Variants in KCTD16 observed in about 807,000 individuals in gnomAD.
KCTD16 encodes potassium channel tetramerization domain containing 16.
A neutral mutation model predicts 33.2 loss-of-function variants in KCTD16; 13 were observed. The ratio of observed to expected loss-of-function variants is 0.39; its 90% confidence interval spans 0.25 to 0.62. The LOEUF (loss-of-function observed/expected upper bound fraction) is 0.62. KCTD16 is among the 20% of genes least tolerant of loss of function. The pLI is 0.50. For missense variants in KCTD16, 441 were observed against 525.1 expected (o/e 0.84, Z 1.57); for synonymous variants, 197 against 195.3 (o/e 1.01, Z -0.07).
chr5:144,292,909 A>G (rs1473918480), intron 3 of KCTD16, among the ~76,000 whole-genome samples: 1 of 152,172 alleles, frequency 6.6e-6, no homozygotes, highest in Non-Finnish European at 1.5e-5. Flanking sequence ...CTGCCCAGGA[A>G]GGGCCAAAGT....
chr5:144,357,465 T>C (rs949032024), intron 3 of KCTD16, among the ~76,000 whole-genome samples: 1 of 152,016 alleles, frequency 6.6e-6, no homozygotes, highest in African/African-American at 2.4e-5. Flanking sequence ...TGGGATGAAT[T>C]GTAACAGGGA....
chr5:144,299,119 TATATATATATATATATATATATATATA>T lies in KCTD16; in HGVS notation c.832+91574_832+91600del, dbSNP rs1251769601. On this transcript the variant is annotated intron_variant, in intron 3 of 3. Coordinates refer to ENST00000512467, the MANE Select transcript of KCTD16 (RefSeq NM_020768.4). Reference sequence around the variant, plus strand: ...ATGTATATATATATATATATATATATATATATATATATATATATATATATATATATTTTTTTTTTTTTTTTTAACCTG... The same window carrying T: ...ATGTATATATATATATATATATATATTATTTTTTTTTTTTTTTTTAACCTG... Among the ~76,000 whole-genome samples, 67 of 19,728 alleles carry T rather than the reference TATATATATATATATATATATATATATA, an allele frequency of 3.4e-3. 2 individuals carry two copies. Among genetic ancestry groups the T allele is most frequent in the African/African-American group, 0.029 (65 of 2,266 alleles). 12.9% of individuals were successfully genotyped at this position (19,728 alleles called of 152,430 possible). A position where few individuals can be genotyped will look rare whatever the true frequency, so the allele number is the denominator to read the frequency against.
chr5:144,226,567 A>G (rs767704474), intron 3 of KCTD16, among the ~76,000 whole-genome samples: 15 of 149,472 alleles, frequency 1.0e-4, no homozygotes, highest in Admixed American at 2.6e-4. Flanking sequence ...GACTTTGAGA[A>G]AAAAAAATAT....
At chr5:144,451,123 A>G (rs1753931710) in intron 3 of KCTD16, among the ~76,000 whole-genome samples, 1 of 152,050 alleles carries the variant, frequency 6.6e-6, no homozygotes, top group African/African-American at 2.4e-5. Context: ...TATTCCATTG[A>G]GGAATTTTTA....
At chr5:144,462,255 C>G (rs1754213304) in intron 3 of KCTD16, among the ~76,000 whole-genome samples, 1 of 152,146 alleles carries the variant, frequency 6.6e-6, no homozygotes. Flanking sequence ...CGCCGTCACT[C>G]TCCTCACTTC....
intron 3 of KCTD16, among the ~76,000 whole-genome samples, chr5:144,467,087 ATATATAT>A (rs1754362304): frequency 7.5e-6 from 1 of 133,072 alleles, no homozygotes; most frequent in Non-Finnish European, 1.6e-5. Flanking sequence ...ATATAGTGTT[ATATATAT>A]TATATATAAT....
chr5:144,380,550 AG>A (rs1248502547), intron 3 of KCTD16, among the ~76,000 whole-genome samples: 1 of 152,242 alleles, frequency 6.6e-6, no homozygotes, highest in South Asian at 2.1e-4. Context: ...CTAAGTAAAA[AG>A]AACAAAGCCA....
At chr5:144,439,580 G>C (rs1753654097) in intron 3 of KCTD16, 1 of 188,208 alleles carries the variant, frequency 5.3e-6, no homozygotes. Flanking sequence ...TTCTCACTTT[G>C]ATATTTAAAA....
At chr5:144,453,389 C>T (rs1409779874) in intron 3 of KCTD16, among the ~76,000 whole-genome samples, 1 of 152,074 alleles carries the variant, frequency 6.6e-6, no homozygotes, top group Admixed American at 6.5e-5. Context: ...CGAAGAGAAG[C>T]GATTTCAGCC....
At chr5:144,443,744 C>T (rs1188803892) in intron 3 of KCTD16, among the ~76,000 whole-genome samples, 1 of 152,018 alleles carries the variant, frequency 6.6e-6, no homozygotes, top group Non-Finnish European at 1.5e-5. Context: ...TTGTTCTATC[C>T]TTGGCTAGTG....
At chr5:144,450,534 A>G in intron 3 of KCTD16, among the ~76,000 whole-genome samples, 1 of 152,048 alleles carries the variant, frequency 6.6e-6, no homozygotes, top group East Asian at 1.9e-4. Flanking sequence ...TATTCAAGAT[A>G]TGGAAAAAAC....
At chr5:144,387,916 T>A (rs999620554) in intron 3 of KCTD16, among the ~76,000 whole-genome samples, 1 of 152,088 alleles carries the variant, frequency 6.6e-6, no homozygotes, top group African/African-American at 2.4e-5. Flanking sequence ...GTTTAGTAAT[T>A]TGCCTAAGGA....
At chr5:144,432,657 A>G (rs564523890) in intron 3 of KCTD16, among the ~76,000 whole-genome samples, 8,171 of 151,514 alleles carry the variant, frequency 0.054, 749 homozygotes, top group African/African-American at 0.19. Flanking sequence ...GTGTGTGTGT[A>G]TATATCAGGG....
At chr5:144,331,581 T>G (rs1051623987) in intron 3 of KCTD16, among the ~76,000 whole-genome samples, 2 of 152,168 alleles carry the variant, frequency 1.3e-5, no homozygotes, top group Admixed American at 1.3e-4. Context: ...AGCATAGTTA[T>G]GGATGGGGAA....
Position 144,474,365 on chromosome 5 carries a change from G to A in KCTD16, c.*251G>A, listed in dbSNP as rs1754549306. The A allele has an allele frequency of 7.3e-6, 3 of 408,538 alleles. No individual in the cohort carries two copies. Among genetic ancestry groups the A allele is most frequent in the Non-Finnish European group, 1.3e-5 (3 of 224,618 alleles). The allele number at this position is 408,538 out of a possible 1,614,324, so 25.3% of individuals were successfully genotyped here. On this transcript the variant is annotated 3_prime_UTR_variant, in exon 4 of 4. Coordinates refer to ENST00000512467, the MANE Select transcript of KCTD16 (RefSeq NM_020768.4). ...TATTTGTTTGTTTACTTCGTCCCATGTGCTAACTATCTTATATATAATGAG... is the reference window on the plus strand; with the variant it reads ...TATTTGTTTGTTTACTTCGTCCCATATGCTAACTATCTTATATATAATGAG...
At chr5:144,278,770 T>A (rs1240401851) in intron 3 of KCTD16, among the ~76,000 whole-genome samples, 2 of 152,172 alleles carry the variant, frequency 1.3e-5, no homozygotes, top group African/African-American at 4.8e-5. Flanking sequence ...GTGCTGGGAT[T>A]ACAGGCGTGA....
chr5:144,325,765 T>C (rs957358788), intron 3 of KCTD16, among the ~76,000 whole-genome samples: 12 of 152,174 alleles, frequency 7.9e-5, no homozygotes, highest in Non-Finnish European at 1.0e-4. Flanking sequence ...CTCATCAAGC[T>C]GTGTCCTAAC....
At chr5:144,363,680 G>A (rs1036270636) in intron 3 of KCTD16, among the ~76,000 whole-genome samples, 3 of 152,152 alleles carry the variant, frequency 2.0e-5, no homozygotes, top group Admixed American at 6.5e-5. Flanking sequence ...GGGTGCTGGA[G>A]TGTAGGAAAT....
chr5:144,403,777 T>C (rs1752755739), intron 3 of KCTD16, among the ~76,000 whole-genome samples: 1 of 152,174 alleles, frequency 6.6e-6, no homozygotes, highest in South Asian at 2.1e-4. Flanking sequence ...ACATAGGCAG[T>C]GCTCTTTCCT....
Sources: allele counts gnomAD v4.1 joint callset (sites outside exome capture counted in the v4.1 genomes callset), GRCh38; gene constraint gnomAD v4.1.1; transcripts MANE v1.5; gene names NCBI Gene and HGNC (gene_info 2026-07-23, HGNC 2026-07-21).